Variants in CHST11 observed in about 807,000 individuals in gnomAD.
CHST11 encodes carbohydrate sulfotransferase 11, also known as C4S-1.
A neutral mutation model predicts 30.4 loss-of-function variants in CHST11; 9 were observed. The ratio of observed to expected loss-of-function variants is 0.30; its 90% CI spans 0.18 to 0.52. The LOEUF is 0.52. Ranked by LOEUF, CHST11 falls within the 20% of genes least tolerant of loss-of-function variation. CHST11 has a pLI of 0.97. For missense variants in CHST11, 348 were observed against 460.6 expected, an observed-to-expected ratio of 0.76 and a Z score of 2.24; for synonymous variants, 152 against 187.8, an observed-to-expected ratio of 0.81 and a Z score of 1.56.
chr12:104,704,148 A>C (rs771902328), intron 2 of CHST11, among the ~76,000 whole-genome samples: 1 of 152,192 alleles, frequency 6.6e-6, no homozygotes, highest in African/African-American at 2.4e-5. Context: ...GGCCATGGGA[A>C]CTGGACAGTG....
At chr12:104,659,862 G>T (rs1281951818) in intron 2 of CHST11, among the ~76,000 whole-genome samples, 1 of 150,826 alleles carries the variant, frequency 6.6e-6, no homozygotes, top group Non-Finnish European at 1.5e-5. Context: ...TGCCCCTGTA[G>T]TCCTAGCTAC....
At chr12:104,670,362 C>T (rs835226) in intron 2 of CHST11, among the ~76,000 whole-genome samples, 26,592 of 152,062 alleles carry the variant, frequency 0.17, 3,857 homozygotes, top group African/African-American at 0.4. Context: ...GGTCCTTCCC[C>T]GCTTTTCTAT....
chr12:104,516,186 A>G (rs990824147), intron 1 of CHST11, among the ~76,000 whole-genome samples: 1 of 152,126 alleles, frequency 6.6e-6, no homozygotes, highest in Non-Finnish European at 1.5e-5. Context: ...GCCTTTACTC[A>G]CTAGATACTT....
chr12:104,679,553 C>T (rs1193336599), intron 2 of CHST11, among the ~76,000 whole-genome samples: 3 of 152,126 alleles, frequency 2.0e-5, no homozygotes, highest in Admixed American at 6.5e-5. Context: ...AGCCCTCATG[C>T]GAAGTCATTT....
At chr12:104,633,425 T>C (rs2039291594) in intron 2 of CHST11, among the ~76,000 whole-genome samples, 1 of 148,476 alleles carries the variant, frequency 6.7e-6, no homozygotes, top group Non-Finnish European at 1.5e-5. Context: ...TTTTTTTTTT[T>C]TTTTTTTGAG....
Position 104,757,904 on chromosome 12 carries a change from T to C in CHST11, c.*101T>C. On this transcript the variant is annotated 3_prime_UTR_variant, in exon 3 of 3. Coordinates refer to ENST00000303694, the MANE Select transcript of CHST11 (RefSeq NM_018413.6). The surrounding 1 kb of genome is among the most constrained non-coding windows in gnomAD (Gnocchi z 6.5). ...GGGTTATTTTGTAAATTAATATTTC[T>C]TTGGGGATGATGCTGCGAGCAGCAT... 1 of 1,243,872 alleles carries C rather than the reference T, an allele frequency of 8.0e-7. No homozygotes were observed. Among genetic ancestry groups the C allele is most frequent in the Non-Finnish European group, 1.1e-6 (1 of 906,578 alleles). 77.1% of individuals were successfully genotyped at this position (1,243,872 alleles called of 1,614,324 possible).
chr12:104,633,965 T>A (rs1427069826), intron 2 of CHST11, among the ~76,000 whole-genome samples: 8 of 152,146 alleles, frequency 5.3e-5, no homozygotes, highest in Non-Finnish European at 1.2e-4. Flanking sequence ...CTAGCTTAGG[T>A]CCTCTCCTAT....
intron 2 of CHST11, among the ~76,000 whole-genome samples, chr12:104,624,673 C>G (rs890025918): frequency 6.6e-6 from 1 of 152,206 alleles, no homozygotes; most frequent in Non-Finnish European, 1.5e-5. Flanking sequence ...GTGGCAGGCT[C>G]TCAATTCTAG....
intron 2 of CHST11, among the ~76,000 whole-genome samples, chr12:104,721,942 G>A (rs1029913475): frequency 2.6e-5 from 4 of 152,120 alleles, no homozygotes; most frequent in African/African-American, 7.2e-5. Context: ...TCAGATCCAC[G>A]TCCCACCTCT....
intron 2 of CHST11, among the ~76,000 whole-genome samples, chr12:104,686,646 T>C (rs899417602): frequency 1.3e-5 from 2 of 152,312 alleles, no homozygotes; most frequent in East Asian, 1.9e-4. Context: ...TTTATTTATT[T>C]GTTTTGTTTG....
At chr12:104,482,810 G>A (rs547479987) in intron 1 of CHST11, among the ~76,000 whole-genome samples, 3 of 152,088 alleles carry the variant, frequency 2.0e-5, no homozygotes, top group Non-Finnish European at 2.9e-5. Flanking sequence ...TCCAGAGTCT[G>A]TGCATCCCCC....
chr12:104,580,212 A>G (rs914154712), intron 1 of CHST11, among the ~76,000 whole-genome samples: 1 of 152,228 alleles, frequency 6.6e-6, no homozygotes, highest in African/African-American at 2.4e-5. Flanking sequence ...TTTGTTTACA[A>G]GAAGGAAGAT....
At chr12:104,457,834 C>T (rs560533172) in intron 1 of CHST11, among the ~76,000 whole-genome samples, 71 of 138,756 alleles carry the variant, frequency 5.1e-4, no homozygotes, top group African/African-American at 1.8e-3. Flanking sequence ...TGTCCCTTGT[C>T]TGTCTGTCTG....
chr12:104,649,683 G>A (rs549783961), intron 2 of CHST11, among the ~76,000 whole-genome samples: 39 of 152,298 alleles, frequency 2.6e-4, no homozygotes, highest in Admixed American at 1.2e-3. Flanking sequence ...AAAATCTTTA[G>A]CATGCCAACT....
chr12:104,647,962 G>A (rs936564750), intron 2 of CHST11, among the ~76,000 whole-genome samples: 6 of 152,214 alleles, frequency 3.9e-5, no homozygotes, highest in East Asian at 1.9e-4. Context: ...CCAAGTGAAC[G>A]GTCTGAGAGA....
intron 2 of CHST11, among the ~76,000 whole-genome samples, chr12:104,646,442 C>T (rs1488414716): frequency 2.0e-5 from 3 of 152,046 alleles, no homozygotes; most frequent in Non-Finnish European, 4.4e-5. Context: ...GTGATTAAAC[C>T]ATTATTTCTG....
At chr12:104,465,722 T>G (rs548497055) in intron 1 of CHST11, among the ~76,000 whole-genome samples, 85 of 152,244 alleles carry the variant, frequency 5.6e-4, no homozygotes, top group African/African-American at 1.9e-3. Flanking sequence ...TGCGCAGAAC[T>G]CAGAAGGAGG....
chr12:104,608,605 A>G (rs2039029092), intron 2 of CHST11, among the ~76,000 whole-genome samples: 1 of 152,128 alleles, frequency 6.6e-6, no homozygotes, highest in Non-Finnish European at 1.5e-5. Context: ...TTCTTTACCT[A>G]CAATTCCCTT....
intron 2 of CHST11, among the ~76,000 whole-genome samples, chr12:104,639,825 C>A (rs1311078745): frequency 6.6e-6 from 1 of 152,074 alleles, no homozygotes; most frequent in East Asian, 1.9e-4. Context: ...GTTTGCAAAA[C>A]ACATACCTAA....
Sources: allele counts gnomAD v4.1 joint callset (sites outside exome capture counted in the v4.1 genomes callset), GRCh38; gene constraint gnomAD v4.1.1; non-coding constraint Gnocchi (gnomAD v3.1); transcripts MANE v1.5; gene names NCBI Gene and HGNC (gene_info 2026-07-23, HGNC 2026-07-21).